The following CERS3 variants were observed in gnomAD, a reference collection of about 807,000 sequenced individuals.
The protein encoded by CERS3 is ceramide synthase 3.
A neutral mutation model predicts 50.3 loss-of-function variants in CERS3; 33 were observed. The observed-to-expected ratio is 0.66, with a 90% CI of 0.50 to 0.88. CERS3 has a LOEUF of 0.88. Ranked by LOEUF, CERS3 falls within the 40% of genes least tolerant of loss-of-function variation. The pLI, the probability that CERS3 is intolerant of heterozygous loss-of-function variation, is 0.00. For missense variants in CERS3, 470 were observed against 460.3 expected, an observed-to-expected ratio of 1.02 and a Z score of -0.19; for synonymous variants, 176 against 155.2, an observed-to-expected ratio of 1.13 and a Z score of -0.99.
chr15:100,542,088 A>T (rs1449704659), intron 1 of CERS3, among the ~76,000 whole-genome samples: 2 of 152,196 alleles, frequency 1.3e-5, no homozygotes, highest in African/African-American at 4.8e-5. Context: ...GAAAATATAA[A>T]ACTAATTATT....
Position 100,466,832 on chromosome 15 carries a change from C to CT in CERS3, c.845+2545_845+2546insA, listed in dbSNP as rs1555528069. Among the ~76,000 whole-genome samples, 43 of 18,806 alleles carry CT rather than the reference C, an allele frequency of 2.3e-3. 2 individuals carry two copies. Among genetic ancestry groups the CT allele is most frequent in the African/African-American group, 6.1e-3 (39 of 6,424 alleles). 12.3% of individuals were successfully genotyped at this position (18,806 alleles called of 152,430 possible). A position where few individuals can be genotyped will look rare whatever the true frequency, so the allele number is the denominator to read the frequency against. On this transcript the variant is annotated intron_variant, in intron 10 of 11. Transcript: ENST00000679737. The stretch of plus-strand genomic sequence containing the variant: ...CCCTCCCTCCCTCTCTCCCTCTCTC[C>CT]CTCTCTCCCTCTCTCTTTCTCTCTT...
chr15:100,419,784 C>A (rs2032261803), intron 11 of CERS3, among the ~76,000 whole-genome samples: 1 of 146,272 alleles, frequency 6.8e-6, no homozygotes, highest in Non-Finnish European at 1.5e-5. Flanking sequence ...AATCTCACTC[C>A]AAACCACTCA....
At chr15:100,456,607 T>G (rs772913235) in intron 10 of CERS3, among the ~76,000 whole-genome samples, 37 of 152,178 alleles carry the variant, frequency 2.4e-4, no homozygotes, top group Non-Finnish European at 4.7e-4. Flanking sequence ...CTGGACACAA[T>G]TTGAACTGCT....
At chr15:100,470,691 A>G (rs1567642350) in intron 9 of CERS3, among the ~76,000 whole-genome samples, 1 of 152,196 alleles carries the variant, frequency 6.6e-6, no homozygotes, top group Non-Finnish European at 1.5e-5. Flanking sequence ...TAATGATGAA[A>G]TGGTAGACAG....
intron 11 of CERS3, among the ~76,000 whole-genome samples, chr15:100,447,528 G>A (rs531371186): frequency 3.9e-5 from 6 of 152,248 alleles, no homozygotes; most frequent in African/African-American, 7.2e-5. Context: ...CTGGTCATTC[G>A]TATTTGGTTC....
chr15:100,481,114 G>A (rs960463484), intron 5 of CERS3, among the ~76,000 whole-genome samples: 1 of 152,158 alleles, frequency 6.6e-6, no homozygotes, highest in African/African-American at 2.4e-5. Context: ...CTGTAAGATA[G>A]GACATAGGAA....
At chr15:100,471,942 A>T (rs1322006065) in intron 9 of CERS3, among the ~76,000 whole-genome samples, 1 of 152,212 alleles carries the variant, frequency 6.6e-6, no homozygotes, top group African/African-American at 2.4e-5. Flanking sequence ...CAGTTTTAAG[A>T]GGGTATTTGA....
At chr15:100,497,111 C>T (rs2035837416) in intron 3 of CERS3, among the ~76,000 whole-genome samples, 1 of 152,012 alleles carries the variant, frequency 6.6e-6, no homozygotes, top group Non-Finnish European at 1.5e-5. Flanking sequence ...GTACATGAAG[C>T]ACATGTTTTA....
chr15:100,510,975 G>T (rs2036321451), intron 2 of CERS3, among the ~76,000 whole-genome samples: 2 of 152,126 alleles, frequency 1.3e-5, no homozygotes, highest in Non-Finnish European at 2.9e-5. Context: ...GTAAAACATG[G>T]AGACTTCTGC....
At chr15:100,502,820 C>T (rs974728024) in intron 2 of CERS3, among the ~76,000 whole-genome samples, 2 of 151,728 alleles carry the variant, frequency 1.3e-5, no homozygotes, top group African/African-American at 4.9e-5. Flanking sequence ...TGCTAAAAAA[C>T]GTATACAGGT....
intron 1 of CERS3, among the ~76,000 whole-genome samples, chr15:100,522,719 G>A (rs1392385948): frequency 2.7e-5 from 4 of 150,666 alleles, no homozygotes; most frequent in African/African-American, 4.9e-5. Context: ...TTCTGTTGTC[G>A]ATGGAAATAT....
upstream of CERS3, among the ~76,000 whole-genome samples, chr15:100,532,966 C>T (rs978043368): frequency 3.3e-5 from 5 of 152,286 alleles, no homozygotes; most frequent in African/African-American, 1.2e-4. Flanking sequence ...ACAATGATGC[C>T]TCTAGATCCC....
At position 100,463,676 on chromosome 15, in the gene CERS3, A is replaced by T. The variant is rs141432040; in HGVS notation, c.845+5702T>A. Among the ~76,000 whole-genome samples, 1,243 of 152,250 alleles carry T rather than the reference A, an allele frequency of 8.2e-3. 22 individuals carry two copies. Among genetic ancestry groups the T allele is most frequent in the Admixed American group, 0.049 (750 of 15,278 alleles). On this transcript the variant is annotated intron_variant, in intron 10 of 11. Coordinates refer to ENST00000679737, the MANE Select transcript of CERS3 (RefSeq NM_001378789.1). ...AGTGAACACATGTGGTAGAACAGGT[A>T]GTCTCCTTCATCAGGTGTGGAACTG...
At chr15:100,472,813 G>T in intron 9 of CERS3, 111 bp downstream of exon 9, 1 of 1,217,092 alleles carries the variant, frequency 8.2e-7, no homozygotes, top group Non-Finnish European at 1.2e-6. Flanking sequence ...TCAGAATTTG[G>T]GTGTTTTCAG....
chr15:100,413,721 G>T (rs2031669486), intron 11 of CERS3, among the ~76,000 whole-genome samples: 1 of 149,908 alleles, frequency 6.7e-6, no homozygotes, highest in South Asian at 2.1e-4. Context: ...AGAAAAATAG[G>T]TTGGCAGCAT....
At chr15:100,511,407 T>A (rs930485112) in intron 2 of CERS3, among the ~76,000 whole-genome samples, 2 of 152,084 alleles carry the variant, frequency 1.3e-5, no homozygotes, top group Non-Finnish European at 2.9e-5. Context: ...TAACTCAATT[T>A]AAAAAAATAA....
intron 11 of CERS3, among the ~76,000 whole-genome samples, chr15:100,408,147 C>G (rs2142050612): frequency 6.6e-6 from 1 of 152,332 alleles, no homozygotes; most frequent in Non-Finnish European, 1.5e-5. Flanking sequence ...GCTGGGATTA[C>G]AGGTGTAAGC....
At chr15:100,435,444 C>G (rs2033354216) in intron 11 of CERS3, among the ~76,000 whole-genome samples, 1 of 152,124 alleles carries the variant, frequency 6.6e-6, no homozygotes. Flanking sequence ...AACTGGACCC[C>G]TTCCTTACAC....
intron 2 of CERS3, chr15:100,503,592 CT>C (rs1167743604): frequency 1.4e-5 from 6 of 420,210 alleles, no homozygotes; most frequent in Non-Finnish European, 3.0e-5. Context: ...TGTCTTTGTG[CT>C]GATTAGAGGA....
Sources: gnomAD v4.1 joint callset for allele counts (sites outside exome capture counted in the v4.1 genomes callset) on GRCh38, gnomAD v4.1.1 for gene constraint, MANE v1.5 for transcripts, NCBI Gene and HGNC (gene_info 2026-07-23, HGNC 2026-07-21) for gene names.